The following ABLIM1 variants were observed in gnomAD, a reference collection of about 807,000 sequenced individuals.
The protein encoded by ABLIM1 is actin-binding LIM protein 1.
Under a neutral mutation model 107.0 loss-of-function variants are expected in ABLIM1, and 40 were observed. The ratio of observed to expected loss-of-function variants is 0.37; its 90% CI spans 0.29 to 0.49. The LOEUF (loss-of-function observed/expected upper bound fraction) is 0.49, where lower values mean the gene tolerates loss of function less well. Among genes scored for constraint, ABLIM1 ranks in the 20% least tolerant of loss-of-function variants. The pLI is 0.97. For synonymous variants in ABLIM1, 357 were observed against 357.3 expected, an observed-to-expected ratio of 1.00 and a Z score of 0.01; for missense variants, 857 against 1,008.5, an observed-to-expected ratio of 0.85 and a Z score of 2.04.
At chr10:114,645,009 T>C (rs1048240221) in intron 1 of ABLIM1, among the ~76,000 whole-genome samples, 2 of 152,122 alleles carry the variant, frequency 1.3e-5, no homozygotes, top group African/African-American at 4.8e-5. Flanking sequence ...TTTGATTGGG[T>C]TATTGAAAAG....
intron 4 of ABLIM1, among the ~76,000 whole-genome samples, chr10:114,562,281 G>A (rs563635089): frequency 1.3e-5 from 2 of 152,312 alleles, no homozygotes; most frequent in South Asian, 2.1e-4. Context: ...TGTAATCCCA[G>A]CACTTTGGGA....
chr10:114,617,612 C>CG (rs1334789603), intron 1 of ABLIM1, among the ~76,000 whole-genome samples: 2 of 152,064 alleles, frequency 1.3e-5, no homozygotes, highest in Non-Finnish European at 2.9e-5. Context: ...CAAGGGACCT[C>CG]GGGCCATTCC....
At position 114,568,008 on chromosome 10, in the gene ABLIM1, G is replaced by A. The variant is rs1005619642; in HGVS notation, c.673+3289C>T. ...GATCGAGACCATCCTGGCTAACAAG[G>A]TGAAACCCCGTCTCTACTAAAAATA... On this transcript the variant is annotated intron_variant, in intron 4 of 22. Transcript: ENST00000533213. 2.6e-5 allele frequency among the ~76,000 whole-genome samples: 4 copies of A among 151,440 alleles called. No individual in the cohort carries two copies. The South Asian group carries it at 6.3e-4, about 24-fold the overall frequency.
chr10:114,712,353 G>GAAAAAAAAA (rs10583793), intron 1 of ABLIM1, among the ~76,000 whole-genome samples: 8 of 44,082 alleles, frequency 1.8e-4, no homozygotes, highest in Non-Finnish European at 3.2e-4. Context: ...ACTCCGTCTC[G>GAAAAAAAAA]AAAAAAAAAA....
intron 10 of ABLIM1, among the ~76,000 whole-genome samples, chr10:114,472,668 G>A (rs1417458194): frequency 6.6e-6 from 1 of 151,962 alleles, no homozygotes; most frequent in African/African-American, 2.4e-5. Flanking sequence ...ACCCCCAGGA[G>A]ACCCTCACTC....
At chr10:114,628,796 T>C (rs1228473702) in intron 1 of ABLIM1, among the ~76,000 whole-genome samples, 2 of 152,250 alleles carry the variant, frequency 1.3e-5, no homozygotes, top group Non-Finnish European at 2.9e-5. Context: ...ATTTTTATTT[T>C]CTGTAACAAA....
At chr10:114,759,653 T>C (rs73373770) in intron 1 of ABLIM1, among the ~76,000 whole-genome samples, 6,065 of 152,288 alleles carry the variant, frequency 0.04, 415 homozygotes, top group African/African-American at 0.14. Flanking sequence ...ATAGGCAGCC[T>C]AAGATTTAAG....
rs546036822 is a variant in ABLIM1 at position 114,710,287 on chromosome 10, C to CCCAAAATTGGGTAA, written c.-213+57760_-213+57773dup. Among the ~76,000 whole-genome samples, 10 of 152,260 alleles carry CCCAAAATTGGGTAA rather than the reference C, an allele frequency of 6.6e-5. No homozygotes were observed. In the East Asian group the frequency reaches 1.9e-3, roughly 29 times the overall value. On this transcript the variant is annotated intron_variant, in intron 1 of 15. Transcript: ENST00000651092. ...TTCTCACACTGCTAATAAAGACATA[C>CCCAAAATTGGGTAA]CCAAAATTGGGTAATTTTAAAGGAA...
At chr10:114,741,077 C>T (rs1243176894) in intron 1 of ABLIM1, among the ~76,000 whole-genome samples, 1 of 151,436 alleles carries the variant, frequency 6.6e-6, no homozygotes, top group Non-Finnish European at 1.5e-5. Flanking sequence ...TGTGTTTCTG[C>T]TTCTCTGGGG....
At chr10:114,443,353 C>T (rs1294026745) in intron 17 of ABLIM1, among the ~76,000 whole-genome samples, 1 of 150,992 alleles carries the variant, frequency 6.6e-6, no homozygotes, top group African/African-American at 2.4e-5. Context: ...ACTCTTGTCG[C>T]CCAGGCTGGA....
chr10:114,465,861 C>T (rs2065039417), intron 11 of ABLIM1, 34 bp from the exon 12 acceptor site: 1 of 1,611,770 alleles, frequency 6.2e-7, no homozygotes, highest in Non-Finnish European at 8.5e-7. Context: ...CAGGCTATCA[C>T]CATGCCTCAG....
In ABLIM1 at chr10:114,655,862, G is replaced by A. The variant is rs188534568; in HGVS notation, c.244+2095C>T. Among the ~76,000 whole-genome samples the A allele has an allele frequency of 3.9e-5, 6 of 152,260 alleles. No individual in the cohort carries two copies. In the East Asian group the frequency reaches 5.8e-4, roughly 15 times the overall value. ...GTTACCATCAGCAGCTGTCGAAGTC[G>A]GTATCCTGTCTTGCCTGAGCACTGA... On this transcript the variant is annotated intron_variant, in intron 1 of 22. Coordinates refer to ENST00000533213, the MANE Select transcript of ABLIM1 (RefSeq NM_002313.7).
intron 1 of ABLIM1, among the ~76,000 whole-genome samples, chr10:114,741,472 G>A (rs997066638): frequency 4.6e-5 from 7 of 151,770 alleles, no homozygotes; most frequent in Admixed American, 1.3e-4. Flanking sequence ...TGATCCGCCC[G>A]CCTCAGCCTC....
chr10:114,618,464 G>GA (rs1334511423), intron 1 of ABLIM1, among the ~76,000 whole-genome samples: 1 of 152,146 alleles, frequency 6.6e-6, no homozygotes, highest in Non-Finnish European at 1.5e-5. Context: ...TGTTTTAACT[G>GA]AAAAAAACCC....
chr10:114,764,395 T>C (rs1481332041), intron 1 of ABLIM1, among the ~76,000 whole-genome samples: 1 of 152,224 alleles, frequency 6.6e-6, no homozygotes, highest in African/African-American at 2.4e-5. Context: ...TTTTTTGAGA[T>C]AGAGTCTCAG....
At chr10:114,541,535 C>T (rs2483571) in intron 6 of ABLIM1, among the ~76,000 whole-genome samples, 117,775 of 151,922 alleles carry the variant, frequency 0.78, 46,235 homozygotes, top group African/African-American at 0.91. Context: ...CAAGCCAAAC[C>T]GACTCACAAG....
intron 4 of ABLIM1, among the ~76,000 whole-genome samples, chr10:114,558,299 A>G (rs1051647031): frequency 6.6e-6 from 1 of 152,138 alleles, no homozygotes; most frequent in Non-Finnish European, 1.5e-5. Context: ...CTGATTAACT[A>G]TTCATTACGC....
intron 6 of ABLIM1, among the ~76,000 whole-genome samples, chr10:114,515,356 C>G (rs909713553): frequency 6.6e-6 from 1 of 152,152 alleles, no homozygotes; most frequent in Non-Finnish European, 1.5e-5. Context: ...AGGTGACATT[C>G]CGATGGAATC....
chr10:114,453,534 A>C, intron 12 of ABLIM1, 51 bp from the exon 13 acceptor site: 1 of 1,401,780 alleles, frequency 7.1e-7, no homozygotes, highest in Non-Finnish European at 9.6e-7. Context: ...AGAGAGAAAC[A>C]AAGAAAACAA....
Sources: allele counts gnomAD v4.1 joint callset (sites outside exome capture counted in the v4.1 genomes callset), GRCh38; gene constraint gnomAD v4.1.1; transcripts MANE v1.5; gene names NCBI Gene and HGNC (gene_info 2026-07-23, HGNC 2026-07-21).